STOX2: variants seen among roughly 807,000 people sequenced by gnomAD.
STOX2 encodes the protein storkhead-box protein 2.
Under a neutral mutation model 60.9 loss-of-function variants are expected in STOX2, and 28 were observed. The observed-to-expected ratio is 0.46, with a 90% confidence interval of 0.34 to 0.63. The LOEUF (loss-of-function observed/expected upper bound fraction) is 0.63. Among genes scored for constraint, STOX2 ranks in the 30% least tolerant of loss-of-function variants. STOX2 has a pLI of 0.01. For missense variants in STOX2, 1,024 were observed against 1,187.7 expected, an observed-to-expected ratio of 0.86 and a Z score of 2.03; for synonymous variants, 472 against 463.9, an observed-to-expected ratio of 1.02 and a Z score of -0.22.
intron 1 of STOX2, among the ~76,000 whole-genome samples, chr4:183,984,710 T>C (rs12513114): frequency 0.25 from 37,369 of 152,182 alleles, 4,878 homozygotes; most frequent in Middle Eastern, 0.3. Flanking sequence ...CTATTTAATC[T>C]GCTGCCAAGG....
intron 1 of STOX2, among the ~76,000 whole-genome samples, chr4:183,850,422 A>T (rs1740089092): frequency 6.6e-6 from 1 of 151,972 alleles, no homozygotes; most frequent in African/African-American, 2.4e-5. Context: ...TACTTATGAG[A>T]TTTCTTTTTA....
chr4:183,826,432 C>T (rs578025699), intron 1 of STOX2, among the ~76,000 whole-genome samples: 1 of 152,320 alleles, frequency 6.6e-6, no homozygotes, highest in East Asian at 1.9e-4. Flanking sequence ...CGTCACTGGC[C>T]TTCGAGGCAC....
At chr4:183,903,326 G>C (rs1017368378), upstream of STOX2, among the ~76,000 whole-genome samples, 1 of 151,942 alleles carries the variant, frequency 6.6e-6, no homozygotes, top group Non-Finnish European at 1.5e-5. Context: ...TCTACCCCAG[G>C]GCCTTTGCAC....
At chr4:183,994,308 T>TG (rs1409915031) in intron 1 of STOX2, among the ~76,000 whole-genome samples, 1 of 152,176 alleles carries the variant, frequency 6.6e-6, no homozygotes, top group East Asian at 1.9e-4. Flanking sequence ...GATTTTAACT[T>TG]GCGTGTTAAT....
chr4:183,949,153 C>A (rs754966115), intron 1 of STOX2, among the ~76,000 whole-genome samples: 17 of 151,924 alleles, frequency 1.1e-4, no homozygotes, highest in Non-Finnish European at 1.5e-4. Context: ...GTGTTCACAA[C>A]CACTAATCAA....
At chr4:183,992,877 G>T (rs1016227588) in intron 1 of STOX2, among the ~76,000 whole-genome samples, 2 of 152,230 alleles carry the variant, frequency 1.3e-5, no homozygotes, top group African/African-American at 2.4e-5. Context: ...TATTCCATGT[G>T]CCTAGCACGT....
chr4:183,954,964 G>A (rs1202075688), intron 1 of STOX2, among the ~76,000 whole-genome samples: 2 of 152,158 alleles, frequency 1.3e-5, no homozygotes, highest in Non-Finnish European at 2.9e-5. Context: ...GCCTCCCAAA[G>A]TGCTGGGATT....
intron 1 of STOX2, among the ~76,000 whole-genome samples, chr4:183,966,651 C>T (rs549719179): frequency 1.1e-4 from 17 of 152,326 alleles, no homozygotes; most frequent in Middle Eastern, 3.4e-3. Context: ...GTACTGAACA[C>T]TCAACAAGGA....
intron 1 of STOX2, among the ~76,000 whole-genome samples, chr4:183,969,626 G>T (rs199515375): frequency 1.4e-5 from 2 of 148,022 alleles, no homozygotes; most frequent in Non-Finnish European, 3.0e-5. Context: ...GGGTTGCAGG[G>T]TTTTTTTTTT....
intron 1 of STOX2, among the ~76,000 whole-genome samples, chr4:183,859,565 G>A (rs943019109): frequency 6.6e-5 from 10 of 152,212 alleles, no homozygotes; most frequent in African/African-American, 1.2e-4. Context: ...TGACAGAGGC[G>A]GCGGGGCCAG....
In STOX2 at chr4:184,020,063, CAT is replaced by C. The variant is rs1734524388; in HGVS notation, c.*2782_*2783del. The C allele has an allele frequency of 6.6e-6, 1 of 152,188 alleles. No individual in the cohort carries two copies. Among genetic ancestry groups the C allele is most frequent in the African/African-American group, 2.4e-5 (1 of 41,448 alleles). The allele number at this position is 152,188 out of a possible 1,614,324, so 9.4% of individuals were successfully genotyped here. A position where few individuals can be genotyped will look rare whatever the true frequency, so the allele number is the denominator to read the frequency against. On this transcript the variant is annotated 3_prime_UTR_variant, in exon 4 of 4. Coordinates refer to ENST00000308497, the MANE Select transcript of STOX2 (RefSeq NM_020225.3). ...ACACTTATGTATTATTATGATACAA[CAT>C]ATTACTTTATGGTAATTTTTATTTT...
intron 1 of STOX2, among the ~76,000 whole-genome samples, chr4:183,817,279 C>T (rs1358955484): frequency 6.6e-6 from 1 of 152,180 alleles, no homozygotes; most frequent in East Asian, 1.9e-4. Flanking sequence ...AACCTCAGTC[C>T]TTACCAACAA....
At chr4:183,875,227 A>G (rs1306062263) in intron 1 of STOX2, among the ~76,000 whole-genome samples, 4 of 151,646 alleles carry the variant, frequency 2.6e-5, no homozygotes, top group Non-Finnish European at 5.9e-5. Context: ...TGAGTTCTAA[A>G]TTTCTCTTCT....
intron 1 of STOX2, among the ~76,000 whole-genome samples, chr4:183,962,696 A>G (rs896704867): frequency 5.3e-5 from 8 of 152,202 alleles, no homozygotes; most frequent in African/African-American, 1.9e-4. Flanking sequence ...CACTAATATT[A>G]TCCAGTGAAG....
chr4:183,837,286 C>T (rs997643378), intron 1 of STOX2, among the ~76,000 whole-genome samples: 2 of 152,084 alleles, frequency 1.3e-5, no homozygotes, highest in Non-Finnish European at 2.9e-5. Context: ...GTCATGTAAC[C>T]ATCACCAATA....
In STOX2 at chr4:183,805,126, G is replaced by A. The variant is rs541382236; in HGVS notation, c.364+7071G>A. ...GTTATATACAAACTATTTGCTGCAA[G>A]GAATTTTAAATGTCTTCAGTCTGCC... On this transcript the variant is annotated intron_variant, in intron 1 of 2. Coordinates refer to the STOX2 transcript ENST00000513034. Among the ~76,000 whole-genome samples, 36 of 152,308 alleles carry A rather than the reference G, an allele frequency of 2.4e-4. 1 individual carries two copies. The highest frequency in any genetic ancestry group is 8.7e-4 in the African/African-American group (36 of 41,566).
chr4:183,934,931 C>A (rs1356554519), intron 1 of STOX2, among the ~76,000 whole-genome samples: 1 of 152,200 alleles, frequency 6.6e-6, no homozygotes, highest in Non-Finnish European at 1.5e-5. Flanking sequence ...CAGGCTGACT[C>A]CTCAGGTTGC....
chr4:183,993,091 G>A (rs1579517331), intron 1 of STOX2, among the ~76,000 whole-genome samples: 1 of 152,348 alleles, frequency 6.6e-6, no homozygotes, highest in East Asian at 1.9e-4. Context: ...TGGGGAAGGT[G>A]GCTCTTGGCC....
At chr4:183,939,454 A>T (rs1468039273) in intron 1 of STOX2, among the ~76,000 whole-genome samples, 1 of 152,194 alleles carries the variant, frequency 6.6e-6, no homozygotes, top group Non-Finnish European at 1.5e-5. Flanking sequence ...GTAATCCAGG[A>T]TGATCTTCTC....
Sources: gnomAD v4.1 joint callset for allele counts (sites outside exome capture counted in the v4.1 genomes callset) on GRCh38, gnomAD v4.1.1 for gene constraint, MANE v1.5 for transcripts, NCBI Gene and HGNC (gene_info 2026-07-23, HGNC 2026-07-21) for gene names.